The following CCDC93 variants were observed in gnomAD, a reference collection of about 807,000 sequenced individuals.
The protein encoded by CCDC93 is coiled-coil domain-containing protein 93.
In CCDC93, 61 loss-of-function variants were observed where a neutral mutation model predicts 108.2. That is an observed-to-expected ratio of 0.56 (90% CI 0.46 to 0.70). The LOEUF (loss-of-function observed/expected upper bound fraction) is 0.70. Ranked by LOEUF, CCDC93 falls within the 30% of genes least tolerant of loss-of-function variation. The pLI is 0.00. For synonymous variants in CCDC93, 276 were observed against 260.4 expected, an observed-to-expected ratio of 1.06 and a Z score of -0.58; for missense variants, 685 against 764.2, an observed-to-expected ratio of 0.90 and a Z score of 1.22.
intron 2 of CCDC93, 81 bp downstream of exon 2, chr2:118,008,464 T>C (rs990758199): frequency 3.7e-6 from 3 of 814,484 alleles, no homozygotes; most frequent in South Asian, 3.2e-5. Flanking sequence ...TAAAACATCA[T>C]CTTTTCCTCC....
At chr2:117,967,166 G>A (rs1679612392) in intron 11 of CCDC93, among the ~76,000 whole-genome samples, 1 of 152,228 alleles carries the variant, frequency 6.6e-6, no homozygotes, top group South Asian at 2.1e-4. Context: ...GCTAATTTTT[G>A]TATTTTAGTA....
chr2:117,948,470 G>A (rs367582574), intron 14 of CCDC93, among the ~76,000 whole-genome samples: 2 of 152,126 alleles, frequency 1.3e-5, no homozygotes, highest in Non-Finnish European at 2.9e-5. Context: ...ATAGTACCAG[G>A]TATATTTAAT....
rs569427714 is a variant in CCDC93, at chr2:117,952,105, C to G, written c.1068+268G>C. On this transcript the variant is annotated intron_variant, in intron 13 of 23. Transcript: ENST00000376300. ...CACCCAGCCTATCAGGCTCACCTTC[C>G]CAGGAAGCCTTTCCTGACCCTCGCA... Among the ~76,000 whole-genome samples the G allele has an allele frequency of 5.5e-4, 84 of 152,092 alleles. 1 individual carries two copies. The highest frequency in any genetic ancestry group is 1.9e-3 in the African/African-American group (79 of 41,502).
chr2:117,996,891 T>C (rs1680670156), intron 4 of CCDC93: 1 of 154,176 alleles, frequency 6.5e-6, no homozygotes, highest in Non-Finnish European at 1.4e-5. Context: ...AATACTCAGA[T>C]TTGACAATGG....
intron 18 of CCDC93, among the ~76,000 whole-genome samples, chr2:117,941,683 G>A (rs1678706203): frequency 6.6e-6 from 1 of 152,230 alleles, no homozygotes; most frequent in East Asian, 1.9e-4. Context: ...ATGATGGGAA[G>A]CTATGCCACC....
chr2:118,002,542 G>A (rs2104825439), intron 3 of CCDC93, among the ~76,000 whole-genome samples: 1 of 152,256 alleles, frequency 6.6e-6, no homozygotes, highest in South Asian at 2.1e-4. Flanking sequence ...ATACCCCACT[G>A]ATCATAAGAT....
At chr2:117,940,843 T>A (rs571152133) in intron 19 of CCDC93, among the ~76,000 whole-genome samples, 1 of 152,058 alleles carries the variant, frequency 6.6e-6, no homozygotes, top group African/African-American at 2.4e-5. Flanking sequence ...AGAAGAACAA[T>A]GAATGAGGAC....
intron 7 of CCDC93, among the ~76,000 whole-genome samples, chr2:117,983,857 T>C (rs1680234589): frequency 6.6e-6 from 1 of 152,112 alleles, no homozygotes; most frequent in Non-Finnish European, 1.5e-5. Context: ...TTAATAACCA[T>C]TCTCTTCTTA....
chr2:117,949,334 T>A lies in CCDC93; in HGVS notation c.1130A>T (p.Lys377Ile). 1 of 1,612,866 alleles carries A rather than the reference T, an allele frequency of 6.2e-7. No individual in the cohort carries two copies. Among genetic ancestry groups the A allele is most frequent in the Non-Finnish European group, 8.5e-7 (1 of 1,178,854 alleles). ...EQAALEKIES[K>I]ADPSILQNLR... ...TGAAACCTCTTACCTTGGATCAGCT[T>A]TGGATTCTATCTTCTCGAGGGCTGC... Residue 377 changes from lysine (K) to isoleucine (I), a missense_variant, in exon 14 of 24, where the codon AAA becomes ATA. Coordinates refer to ENST00000376300, the MANE Select transcript of CCDC93 (RefSeq NM_019044.5).
intron 23 of CCDC93, among the ~76,000 whole-genome samples, chr2:117,922,072 T>C (rs1277234523): frequency 6.6e-6 from 1 of 152,132 alleles, no homozygotes; most frequent in Non-Finnish European, 1.5e-5. Flanking sequence ...ATTATATTGT[T>C]ATACTACACT....
chr2:118,008,483 C>T, intron 2 of CCDC93, 62 bp downstream of exon 2: 2 of 918,938 alleles, frequency 2.2e-6, no homozygotes, highest in Admixed American at 2.3e-5. Flanking sequence ...CCTTTCTTTG[C>T]CATGATTAAC....
intron 4 of CCDC93, chr2:118,000,586 T>C: frequency 2.3e-6 from 1 of 429,824 alleles, no homozygotes. Flanking sequence ...CAATGAAAAG[T>C]CAGATGAGAA....
intron 23 of CCDC93, among the ~76,000 whole-genome samples, chr2:117,928,569 CA>C (rs1486071282): frequency 1.3e-5 from 2 of 152,188 alleles, no homozygotes; most frequent in Admixed American, 6.5e-5. Flanking sequence ...GATACCATCT[CA>C]CACCAGTTAG....
At chr2:118,001,990 T>C (rs1440597787) in intron 3 of CCDC93, among the ~76,000 whole-genome samples, 1 of 152,184 alleles carries the variant, frequency 6.6e-6, no homozygotes, top group Non-Finnish European at 1.5e-5. Context: ...TCACCAGGCA[T>C]GGCCTTGTGG....
chr2:118,007,430 G>T (rs1424490084), intron 2 of CCDC93, among the ~76,000 whole-genome samples: 1 of 152,228 alleles, frequency 6.6e-6, no homozygotes, highest in Non-Finnish European at 1.5e-5. Flanking sequence ...CCAGCACTTT[G>T]GGAGGCTGAG....
chr2:117,993,335 G>C (rs1011650847), intron 6 of CCDC93, among the ~76,000 whole-genome samples: 1 of 150,708 alleles, frequency 6.6e-6, no homozygotes, highest in Non-Finnish European at 1.5e-5. Flanking sequence ...GGCAGAGGTT[G>C]CAGTGAGCCG....
intron 22 of CCDC93, among the ~76,000 whole-genome samples, chr2:117,932,478 T>C (rs1488771825): frequency 6.6e-6 from 1 of 152,146 alleles, no homozygotes; most frequent in Admixed American, 6.5e-5. Flanking sequence ...ACCCACCACA[T>C]ATGGGGACTG....
chr2:117,968,122 T>C (rs1025554106), intron 11 of CCDC93, among the ~76,000 whole-genome samples: 1 of 152,146 alleles, frequency 6.6e-6, no homozygotes, highest in Non-Finnish European at 1.5e-5. Context: ...AATGATTTAG[T>C]TGGCAGACTA....
intron 18 of CCDC93, among the ~76,000 whole-genome samples, chr2:117,943,142 T>C (rs1573475032): frequency 1.3e-5 from 2 of 152,222 alleles, no homozygotes; most frequent in South Asian, 4.1e-4. Flanking sequence ...ACTGAAGCTT[T>C]CCCCTAGCCA....
Sources: gnomAD v4.1 joint callset for allele counts (sites outside exome capture counted in the v4.1 genomes callset) on GRCh38, gnomAD v4.1.1 for gene constraint, MANE v1.5 for transcripts, NCBI Gene and HGNC (gene_info 2026-07-23, HGNC 2026-07-21) for gene names.